The following MYBPC1 variants were observed in gnomAD, a reference collection of about 807,000 sequenced individuals.
MYBPC1 encodes myosin binding protein C1, also known as myosin-binding protein C, slow-type.
A neutral mutation model predicts 147.1 loss-of-function variants in MYBPC1; 52 were observed. That is an observed-to-expected ratio of 0.35 (90% CI 0.28 to 0.45). MYBPC1 has a LOEUF of 0.45. MYBPC1 is among the 20% of genes least tolerant of loss of function. MYBPC1 has a pLI of 1.00. For missense variants in MYBPC1, 1,228 were observed against 1,440.3 expected (o/e 0.85, Z 2.39); for synonymous variants, 477 against 475.9 (o/e 1.00, Z -0.03).
chr12:101,666,788 G>T, intron 22 of MYBPC1: 1 of 1,613,464 alleles, frequency 6.2e-7, no homozygotes, highest in South Asian at 1.1e-5. Context: ...GGCTGCCTAT[G>T]ATCTGCCAGG....
intron 18 of MYBPC1, among the ~76,000 whole-genome samples, chr12:101,657,437 A>G (rs1034386304): frequency 1.3e-5 from 2 of 152,236 alleles, no homozygotes; most frequent in Non-Finnish European, 2.9e-5. Flanking sequence ...AATATCAATA[A>G]AACGTATAAC....
At chr12:101,644,577 T>G in intron 11 of MYBPC1, 87 bp from the exon 12 acceptor site, 1 of 1,263,368 alleles carries the variant, frequency 7.9e-7, no homozygotes, top group Non-Finnish European at 1.1e-6. Context: ...TCATTTGCTT[T>G]TAGGTTCTCC....
intron 15 of MYBPC1, among the ~76,000 whole-genome samples, chr12:101,650,104 T>G (rs757335572): frequency 1.3e-5 from 2 of 152,196 alleles, no homozygotes; most frequent in African/African-American, 4.8e-5. Flanking sequence ...CTGTGGCCAT[T>G]TTAGTTTAAC....
Position 101,677,265 on chromosome 12 carries a change from C to T in MYBPC1, c.2980C>T (p.Arg994Ter), listed in dbSNP as rs748351204. 4 of 1,613,388 alleles carry T rather than the reference C, an allele frequency of 2.5e-6. No individual in the cohort carries two copies. Among genetic ancestry groups the T allele is most frequent in the South Asian group, 1.1e-5 (1 of 91,054 alleles). ...EWFTVIEHYH[R>*]TSATITELVI... ...GTTTACTGTCATTGAGCATTATCAT[C>T]GAACCAGTGCCACCATTACTGAATT... Residue 994 changes from arginine to a stop codon, truncating the protein, a stop_gained, in exon 27 of 32, where the codon CGA (arginine) becomes TGA (stop). Transcript: ENST00000361466. LOFTEE classifies it high-confidence loss of function.
chr12:101,674,929 C>T (rs988033147), intron 25 of MYBPC1, among the ~76,000 whole-genome samples: 11 of 149,932 alleles, frequency 7.3e-5, no homozygotes, highest in African/African-American at 2.5e-4. Flanking sequence ...ACGTTGTTTC[C>T]AATCATTGTT....
intron 5 of MYBPC1, 93 bp downstream of exon 5, chr12:101,627,897 T>C (rs1378791432): frequency 1.4e-6 from 2 of 1,398,146 alleles, no homozygotes; most frequent in African/African-American, 2.8e-5. Flanking sequence ...CTAATCCTTG[T>C]CTTATTCAGA....
Position 101,600,532 on chromosome 12 carries a change from CT to C in MYBPC1, c.25+5441del, listed in dbSNP as rs368675515. ...TACTTTTGTAAACAAATACATTCTTCTTTTCAATTTTGTATGGTTGTGAGAG... is the reference window on the plus strand; with the variant it reads ...TACTTTTGTAAACAAATACATTCTTCTTTCAATTTTGTATGGTTGTGAGAG... On this transcript the variant is annotated intron_variant, in intron 1 of 31. Coordinates refer to ENST00000361466, the MANE Select transcript of MYBPC1 (RefSeq NM_002465.4). 363 of 152,216 alleles carry C rather than the reference CT, an allele frequency of 2.4e-3. 2 individuals carry two copies. Among genetic ancestry groups the C allele is most frequent in the African/African-American group, 8.2e-3 (340 of 41,550 alleles). 9.4% of individuals were successfully genotyped at this position (152,216 alleles called of 1,614,324 possible).
At chr12:101,630,747 C>T (rs1056580262) in intron 6 of MYBPC1, among the ~76,000 whole-genome samples, 1 of 152,082 alleles carries the variant, frequency 6.6e-6, no homozygotes, top group African/African-American at 2.4e-5. Flanking sequence ...AAAAAATAAA[C>T]AAATAATCAC....
chr12:101,695,540 G>A, the MYBPC1 span, among the ~76,000 whole-genome samples: 77,460 of 151,806 alleles, frequency 0.51, 20,713 homozygotes, highest in Admixed American at 0.6. Context: ...GTATGGAGAA[G>A]TGTTGTTTGG....
intron 1 of MYBPC1, among the ~76,000 whole-genome samples, chr12:101,598,052 C>T (rs1466024652): frequency 7.0e-6 from 1 of 142,414 alleles, no homozygotes; most frequent in Non-Finnish European, 1.5e-5. Context: ...CAGTATCTCA[C>T]TCTGTGGCCC....
chr12:101,633,732 C>T (rs901783452), intron 8 of MYBPC1, among the ~76,000 whole-genome samples: 1 of 151,482 alleles, frequency 6.6e-6, no homozygotes, highest in African/African-American at 2.4e-5. Context: ...GCTATATAGA[C>T]AGCCCAGGAA....
At chr12:101,623,978 T>G (rs1364389879) in intron 3 of MYBPC1, among the ~76,000 whole-genome samples, 1 of 152,216 alleles carries the variant, frequency 6.6e-6, no homozygotes, top group Non-Finnish European at 1.5e-5. Context: ...AAATTCAAAA[T>G]GAACTAAGTT....
intron 23 of MYBPC1, among the ~76,000 whole-genome samples, chr12:101,668,899 G>A (rs1292304417): frequency 1.3e-5 from 2 of 152,040 alleles, no homozygotes; most frequent in African/African-American, 2.4e-5. Context: ...CCAGCCTGGG[G>A]AACATGGCAA....
chr12:101,667,896 A>C lies in MYBPC1; in HGVS notation c.2521A>C (p.Ile841Leu), dbSNP rs1407181856. Residue 841 changes from isoleucine to leucine, a missense_variant, in exon 23 of 32, where the codon ATA becomes CTA. By Grantham distance (5) the Ile-to-Leu change is conservative (BLOSUM62 2). Coordinates refer to ENST00000361466, the MANE Select transcript of MYBPC1 (RefSeq NM_002465.4). Reference sequence around the variant, plus strand: ...TCAGCCCATTCTCGTGAAGGAAATCATAGGTAGGAGACAAGGCTTTCAAAA... The same window carrying C: ...TCAGCCCATTCTCGTGAAGGAAATCCTAGGTAGGAGACAAGGCTTTCAAAA... ...YSQPILVKEIIEPPKIRIPRH... is the reference protein window; with the variant it reads ...YSQPILVKEILEPPKIRIPRH... The C allele has an allele frequency of 6.2e-7, 1 of 1,613,788 alleles. No individual in the cohort carries two copies. Among genetic ancestry groups the C allele is most frequent in the African/African-American group, 1.3e-5 (1 of 74,938 alleles).
chr12:101,667,702 C>T lies in MYBPC1; in HGVS notation c.2357-30C>T, dbSNP rs200312315. The T allele has an allele frequency of 1.3e-4, 213 of 1,613,592 alleles. 2 individuals carry two copies. The highest frequency in any genetic ancestry group is 1.0e-4 in the Admixed American group (6 of 59,980). On this transcript the variant is annotated intron_variant, in intron 22 of 31. Transcript: ENST00000361466. Reference sequence around the variant, plus strand: ...TTTTTTTCACTAAACAGCATTCCTCCTTCTTTTCCTTTTCTTTTACGGACT... The same window carrying T: ...TTTTTTTCACTAAACAGCATTCCTCTTTCTTTTCCTTTTCTTTTACGGACT...
chr12:101,645,057 T>G (rs1218105939), intron 12 of MYBPC1, among the ~76,000 whole-genome samples: 1 of 152,196 alleles, frequency 6.6e-6, no homozygotes, highest in African/African-American at 2.4e-5. Flanking sequence ...ATAGGTTATA[T>G]GTGATTATTT....
the MYBPC1 span, among the ~76,000 whole-genome samples, chr12:101,694,636 TA>T: frequency 2.0e-5 from 3 of 152,218 alleles, no homozygotes; most frequent in Non-Finnish European, 4.4e-5. Flanking sequence ...GAGTTCTCAC[TA>T]AGAAACACAC....
intron 1 of MYBPC1, among the ~76,000 whole-genome samples, chr12:101,598,529 T>C (rs145324521): frequency 5.4e-4 from 82 of 152,328 alleles, no homozygotes; most frequent in African/African-American, 1.9e-3. Context: ...GCCTGATTCT[T>C]TAACATCCTG....
At chr12:101,650,125 C>G (rs1339370129) in intron 15 of MYBPC1, among the ~76,000 whole-genome samples, 2 of 152,182 alleles carry the variant, frequency 1.3e-5, no homozygotes, top group African/African-American at 4.8e-5. Context: ...ATCAAGAAGT[C>G]TTTCAGCCAT....
Sources: gnomAD v4.1 joint callset for allele counts (sites outside exome capture counted in the v4.1 genomes callset) on GRCh38, gnomAD v4.1.1 for gene constraint, MANE v1.5 for transcripts, NCBI Gene and HGNC (gene_info 2026-07-23, HGNC 2026-07-21) for gene names.